LHFPL3: variants seen among roughly 807,000 people sequenced by gnomAD.
LHFPL3 encodes LHFPL tetraspan subfamily member 3 protein.
Under a neutral mutation model 19.3 loss-of-function variants are expected in LHFPL3, and 5 were observed. The observed-to-expected ratio is 0.26, with a 90% CI of 0.14 to 0.54. The LOEUF is 0.54. Among genes scored for constraint, LHFPL3 ranks in the 20% least tolerant of loss-of-function variants. The pLI is 0.94. For missense variants in LHFPL3, 249 were observed against 307.4 expected, an observed-to-expected ratio of 0.81 and a Z score of 1.42; for synonymous variants, 133 against 126.2, an observed-to-expected ratio of 1.05 and a Z score of -0.36.
chr7:104,560,017 C>G (rs945851643), intron 1 of LHFPL3, among the ~76,000 whole-genome samples: 51 of 149,054 alleles, frequency 3.4e-4, no homozygotes, highest in African/African-American at 1.2e-3. Flanking sequence ...GCCTTGCATC[C>G]CAGGGATGAA....
At chr7:104,369,677 C>G (rs890693093) in intron 1 of LHFPL3, among the ~76,000 whole-genome samples, 1 of 152,176 alleles carries the variant, frequency 6.6e-6, no homozygotes, top group African/African-American at 2.4e-5. Context: ...TCTTCATATC[C>G]TTGCCCACAC....
intron 2 of LHFPL3, chr7:104,826,568 C>A: frequency 6.3e-6 from 1 of 157,836 alleles, no homozygotes; most frequent in South Asian, 1.8e-4. Flanking sequence ...ATCAAGATCC[C>A]TCCAGGAGTA....
At chr7:104,850,397 GAGA>G (rs1485618136) in intron 2 of LHFPL3, among the ~76,000 whole-genome samples, 1 of 152,222 alleles carries the variant, frequency 6.6e-6, no homozygotes, top group Non-Finnish European at 1.5e-5. Flanking sequence ...AGGAGAGCAA[GAGA>G]AGGTCAGAGA....
In LHFPL3 at chr7:104,843,925, CT is replaced by C. The variant is rs545346075; in HGVS notation, c.683-62261del. 3.1e-4 allele frequency among the ~76,000 whole-genome samples: 47 copies of C among 152,284 alleles called. No homozygotes were observed. The East Asian group carries it at 9.1e-3, about 29-fold the overall frequency. On this transcript the variant is annotated intron_variant, in intron 2 of 2. Transcript: ENST00000424859. Reference sequence around the variant, plus strand: ...CCCATCTACATGAGCAAATGCACCACTGGGAGGTGGAAAGAGTGGGATTCAA... The same window carrying C: ...CCCATCTACATGAGCAAATGCACCACGGGAGGTGGAAAGAGTGGGATTCAA...
chr7:104,353,802 C>T (rs919945149), intron 1 of LHFPL3, among the ~76,000 whole-genome samples: 1 of 152,170 alleles, frequency 6.6e-6, no homozygotes, highest in African/African-American at 2.4e-5. Flanking sequence ...TTTCTTAACC[C>T]TCCTTCAGTG....
intron 2 of LHFPL3, among the ~76,000 whole-genome samples, chr7:104,800,419 G>T (rs1356819626): frequency 6.6e-6 from 1 of 152,034 alleles, no homozygotes; most frequent in African/African-American, 2.4e-5. Flanking sequence ...ATTTCTTCCA[G>T]CTCTCCTTCC....
intron 1 of LHFPL3, among the ~76,000 whole-genome samples, chr7:104,648,803 C>A (rs1201096037): frequency 6.6e-6 from 1 of 152,204 alleles, no homozygotes; most frequent in African/African-American, 2.4e-5. Flanking sequence ...GTTGTTCATG[C>A]AGATTAAGCC....
At chr7:104,644,533 GA>G (rs1425985998) in intron 1 of LHFPL3, among the ~76,000 whole-genome samples, 1 of 152,156 alleles carries the variant, frequency 6.6e-6, no homozygotes, top group East Asian at 1.9e-4. Flanking sequence ...TCTGTCCTAA[GA>G]CTCAGTTAGG....
At chr7:104,398,020 T>C (rs1291874210) in intron 1 of LHFPL3, among the ~76,000 whole-genome samples, 1 of 152,100 alleles carries the variant, frequency 6.6e-6, no homozygotes, top group Non-Finnish European at 1.5e-5. Context: ...ATCCAACTCC[T>C]TTTCATTTTT....
At chr7:104,533,451 T>C (rs1301891153) in intron 1 of LHFPL3, among the ~76,000 whole-genome samples, 3 of 152,200 alleles carry the variant, frequency 2.0e-5, no homozygotes, top group Non-Finnish European at 4.4e-5. Flanking sequence ...TGCTAATGAC[T>C]CACTCATCCC....
chr7:104,462,500 G>A (rs1481698714), intron 1 of LHFPL3, among the ~76,000 whole-genome samples: 2 of 152,098 alleles, frequency 1.3e-5, no homozygotes, highest in African/African-American at 4.8e-5. Context: ...TGTATCTATT[G>A]AGATTTATCT....
intron 1 of LHFPL3, among the ~76,000 whole-genome samples, chr7:104,675,110 A>G (rs1285377642): frequency 6.6e-6 from 1 of 152,262 alleles, no homozygotes; most frequent in Non-Finnish European, 1.5e-5. Context: ...TTGGAGAAAA[A>G]TAAAGCAGAG....
At chr7:104,625,288 T>C (rs1791521134) in intron 1 of LHFPL3, among the ~76,000 whole-genome samples, 1 of 152,228 alleles carries the variant, frequency 6.6e-6, no homozygotes, top group Non-Finnish European at 1.5e-5. Context: ...ATGACATTCA[T>C]TCAAAAACAA....
At chr7:104,766,294 T>A (rs1794456940) in intron 2 of LHFPL3, among the ~76,000 whole-genome samples, 2 of 152,222 alleles carry the variant, frequency 1.3e-5, no homozygotes, top group Admixed American at 6.5e-5. Context: ...GGAGCAAGGC[T>A]TTGGTAGAGG....
chr7:104,500,037 G>A (rs1255348505), intron 1 of LHFPL3, among the ~76,000 whole-genome samples: 1 of 152,224 alleles, frequency 6.6e-6, no homozygotes, highest in Non-Finnish European at 1.5e-5. Flanking sequence ...ATGGGTAGAT[G>A]TCTACAGTGA....
intron 1 of LHFPL3, among the ~76,000 whole-genome samples, chr7:104,386,396 A>G (rs1357380797): frequency 6.6e-6 from 1 of 152,184 alleles, no homozygotes; most frequent in Non-Finnish European, 1.5e-5. Flanking sequence ...GTTGCCTGAG[A>G]TTCCGATAAC....
intron 1 of LHFPL3, among the ~76,000 whole-genome samples, chr7:104,440,161 A>G (rs950835769): frequency 3.3e-5 from 5 of 151,762 alleles, no homozygotes; most frequent in African/African-American, 1.2e-4. Flanking sequence ...CATGTACCCT[A>G]AAACTTAAAG....
At chr7:104,543,785 G>T (rs951742701) in intron 1 of LHFPL3, among the ~76,000 whole-genome samples, 1 of 106,366 alleles carries the variant, frequency 9.4e-6, no homozygotes, top group Admixed American at 1.1e-4. Context: ...GGAGGGGGGA[G>T]GGATAGCATT....
intron 1 of LHFPL3, among the ~76,000 whole-genome samples, chr7:104,360,203 T>C (rs895377123): frequency 2.0e-5 from 3 of 152,204 alleles, no homozygotes; most frequent in African/African-American, 7.2e-5. Context: ...ATCTGGGCAA[T>C]GGCAAGTAAT....
Sources: gnomAD v4.1 joint callset for allele counts (sites outside exome capture counted in the v4.1 genomes callset) on GRCh38, gnomAD v4.1.1 for gene constraint, MANE v1.5 for transcripts, NCBI Gene and HGNC (gene_info 2026-07-23, HGNC 2026-07-21) for gene names.